USP12: variants seen among roughly 807,000 people sequenced by gnomAD.
USP12 encodes ubiquitin carboxyl-terminal hydrolase 12.
USP12 carries 19 observed loss-of-function variants against 45.5 expected under a neutral mutation model. That is an observed-to-expected ratio of 0.42 (90% CI 0.29 to 0.61). The LOEUF (loss-of-function observed/expected upper bound fraction) is 0.61. USP12 is among the 20% of genes least tolerant of loss of function. The pLI is 0.22. For missense variants in USP12, 242 were observed against 447.7 expected (o/e 0.54, Z 4.15); for synonymous variants, 149 against 148.8 (o/e 1.00, Z -0.01).
rs190847183 is a variant in USP12 at position 27,089,701 on chromosome 13, G to A, written c.734+182C>T. 8.5e-6 allele frequency: 5 copies of A among 585,462 alleles called. No individual in the cohort carries two copies. The East Asian group carries it at 1.5e-4, about 17-fold the overall frequency. 36.3% of individuals were successfully genotyped at this position (585,462 alleles called of 1,614,324 possible). On this transcript the variant is annotated intron_variant, in intron 6 of 8. Transcript: ENST00000282344. ...AATCACTTCAGGGTACACAGTTTTT[G>A]TAAAATAAACATTGAGTAGAATATC...
chr13:27,086,091 G>A (rs1332981817), intron 6 of USP12, among the ~76,000 whole-genome samples: 1 of 149,506 alleles, frequency 6.7e-6, no homozygotes, highest in Non-Finnish European at 1.5e-5. Context: ...GATCATTTAA[G>A]CCCAGGAGTC....
rs1565998110 is a variant in USP12 at position 27,129,404 on chromosome 13, G to A, written c.49-12808C>T. Among the ~76,000 whole-genome samples, 2 of 152,310 alleles carry A rather than the reference G, an allele frequency of 1.3e-5. No individual in the cohort carries two copies. The highest frequency in any genetic ancestry group is 1.5e-5 in the Non-Finnish European group (1 of 68,030). ...ATTCTTAGTAACCACACCATCAACA[G>A]CTCATAAAATGACAGTGTCACTCTA... On this transcript the variant is annotated intron_variant, in intron 1 of 8. Coordinates refer to ENST00000282344, the MANE Select transcript of USP12 (RefSeq NM_182488.4). The surrounding 1 kb of genome is among the most constrained non-coding windows in gnomAD (Gnocchi z 4.0).
At chr13:27,170,944 C>T (rs915353354) in intron 1 of USP12, among the ~76,000 whole-genome samples, 8 of 152,352 alleles carry the variant, frequency 5.3e-5, no homozygotes, top group Admixed American at 2.0e-4. Context: ...TTTCCACCTT[C>T]ACACACGCCC....
intron 1 of USP12, among the ~76,000 whole-genome samples, chr13:27,119,298 T>C (rs1210376467): frequency 1.3e-5 from 2 of 152,182 alleles, no homozygotes; most frequent in Non-Finnish European, 2.9e-5. Flanking sequence ...GCCAATTCCA[T>C]GAAGCGGCCC....
At chr13:27,097,282 A>G (rs1455623030) in intron 3 of USP12, among the ~76,000 whole-genome samples, 1 of 152,182 alleles carries the variant, frequency 6.6e-6, no homozygotes, top group Non-Finnish European at 1.5e-5. Context: ...CCTGGCCAAC[A>G]TGGTGAAAGT....
chr13:27,114,768 T>TA (rs1565994181), intron 2 of USP12, among the ~76,000 whole-genome samples: 22 of 127,930 alleles, frequency 1.7e-4, no homozygotes, highest in African/African-American at 5.3e-4. Context: ...CTCTCCATTT[T>TA]TAAAAAAAAA....
chr13:27,080,828 T>C (rs913305240), intron 6 of USP12, among the ~76,000 whole-genome samples: 24 of 152,196 alleles, frequency 1.6e-4, no homozygotes, highest in African/African-American at 5.1e-4. Context: ...GTGTATTATG[T>C]AACAGCATTA....
chr13:27,136,182 T>C (rs1186033064), intron 1 of USP12, among the ~76,000 whole-genome samples: 1 of 152,020 alleles, frequency 6.6e-6, no homozygotes, highest in African/African-American at 2.4e-5. Context: ...TAAGTCCAAG[T>C]CTACAACAAG....
Position 27,130,587 on chromosome 13 carries a change from G to T in USP12, c.49-13991C>A, listed in dbSNP as rs188929482. Among the ~76,000 whole-genome samples, 889 of 150,154 alleles carry T rather than the reference G, an allele frequency of 5.9e-3. 4 individuals are homozygous for T. Among genetic ancestry groups the T allele is most frequent in the Middle Eastern group, 0.014 (4 of 286 alleles). ...AAAAAAAAAAAAAAAGGAAAATATG[G>T]TGTATTTGCAGGAAAAAAGAATTTG... On this transcript the variant is annotated intron_variant, in intron 1 of 8. Transcript: ENST00000282344.
intron 6 of USP12, among the ~76,000 whole-genome samples, chr13:27,084,171 C>CAT (rs1466502309): frequency 0.015 from 48 of 3,104 alleles, no homozygotes; most frequent in African/African-American, 0.023. Context: ...TGTTTGCATA[C>CAT]ACACACACAC....
chr13:27,170,564 A>G (rs909564602), intron 1 of USP12, among the ~76,000 whole-genome samples: 2 of 152,260 alleles, frequency 1.3e-5, no homozygotes, highest in Non-Finnish European at 2.9e-5. Context: ...AATTTGTCTC[A>G]TCATGTGGAA....
chr13:27,102,373 T>C (rs74041186), intron 3 of USP12, among the ~76,000 whole-genome samples: 2 of 152,312 alleles, frequency 1.3e-5, no homozygotes, highest in South Asian at 4.1e-4. Context: ...TCTACTCTCA[T>C]GCTGCCCAGG....
intron 2 of USP12, among the ~76,000 whole-genome samples, chr13:27,107,481 G>A (rs1462788635): frequency 6.6e-6 from 1 of 152,070 alleles, no homozygotes; most frequent in African/African-American, 2.4e-5. Flanking sequence ...ATAAAAATCA[G>A]AAAAATAAAA....
chr13:27,072,516 C>A (rs1265640352), intron 7 of USP12, among the ~76,000 whole-genome samples: 2 of 152,168 alleles, frequency 1.3e-5, no homozygotes, highest in Admixed American at 1.3e-4. Flanking sequence ...TGAGTAGATA[C>A]AAATGCGTAA....
rs762917847 is a variant in USP12 at position 27,068,605 on chromosome 13, A to C, written c.*678T>G. 6.6e-6 allele frequency: 1 copy of C among 152,248 alleles called. No individual in the cohort carries two copies. The highest frequency in any genetic ancestry group is 1.5e-5 in the Non-Finnish European group (1 of 68,056). The allele number at this position is 152,248 out of a possible 1,614,324, so 9.4% of individuals were successfully genotyped here. A position where few individuals can be genotyped will look rare whatever the true frequency, so the allele number is the denominator to read the frequency against. ...ACTTAGACTCTACCAGTTTTAAGTA[A>C]AATAAATAAGGAAAAAATTATAATT... On this transcript the variant is annotated 3_prime_UTR_variant, in exon 9 of 9. Coordinates refer to ENST00000282344, the MANE Select transcript of USP12 (RefSeq NM_182488.4).
intron 1 of USP12, among the ~76,000 whole-genome samples, chr13:27,167,305 G>A (rs7334936): frequency 1.1e-4 from 17 of 151,964 alleles, no homozygotes; most frequent in African/African-American, 2.7e-4. Context: ...TATCCTCTGG[G>A]AGGTAAAAAT....
chr13:27,115,300 G>C (rs962661545), intron 2 of USP12, among the ~76,000 whole-genome samples: 4 of 152,112 alleles, frequency 2.6e-5, no homozygotes, highest in Admixed American at 6.5e-5. Context: ...TAAGTGAGAG[G>C]AGTAATGAGT....
intron 6 of USP12, chr13:27,077,071 T>A (rs1426394805): frequency 6.6e-6 from 1 of 152,158 alleles, no homozygotes; most frequent in East Asian, 1.9e-4. Flanking sequence ...CAACAGGAAA[T>A]GTGGAAATAA....
At position 27,075,241 on chromosome 13, in the gene USP12, G is replaced by A. The variant is rs1374977132; in HGVS notation, c.882C>T (p.Thr294=). The part of the protein sequence containing the change: ...LRLFNTSGDA[T]NPDRMYDLVA... ...CAAGGTCGTACATTCTGTCTGGATT[G>A]GTGGCATCACCTGAAGTGTTAAACA... is the stretch of plus-strand genomic sequence containing the variant. Residue 294 remains threonine (T), a synonymous_variant, in exon 7 of 9, where the codon ACC becomes ACT. Coordinates refer to ENST00000282344, the MANE Select transcript of USP12 (RefSeq NM_182488.4). 3 of 1,613,820 alleles carry A rather than the reference G, an allele frequency of 1.9e-6. No individual in the cohort carries two copies. Among genetic ancestry groups the A allele is most frequent in the Middle Eastern group, 1.6e-4 (1 of 6,078 alleles).
Sources: allele counts gnomAD v4.1 joint callset (sites outside exome capture counted in the v4.1 genomes callset), GRCh38; gene constraint gnomAD v4.1.1; non-coding constraint Gnocchi (gnomAD v3.1); transcripts MANE v1.5; gene names NCBI Gene and HGNC (gene_info 2026-07-23, HGNC 2026-07-21).